TSPAN18: variants seen among roughly 807,000 people sequenced by gnomAD.
The protein encoded by TSPAN18 is tetraspanin 18.
TSPAN18 carries 14 observed loss-of-function variants against 27.3 expected under a neutral mutation model. The observed-to-expected ratio is 0.51, with a 90% CI of 0.34 to 0.80. The LOEUF is 0.80. Ranked by LOEUF, TSPAN18 falls within the 30% of genes least tolerant of loss-of-function variation. The pLI is 0.01. For synonymous variants in TSPAN18, 143 were observed against 136.5 expected, an observed-to-expected ratio of 1.05 and a Z score of -0.33; for missense variants, 268 against 323.9, an observed-to-expected ratio of 0.83 and a Z score of 1.32.
At chr11:44,778,692 G>A (rs1017415235) in intron 2 of TSPAN18, among the ~76,000 whole-genome samples, 8 of 152,274 alleles carry the variant, frequency 5.3e-5, no homozygotes, top group South Asian at 2.1e-4. Flanking sequence ...TCCATTAAGC[G>A]TGTGTGCACT....
At chr11:44,795,392 G>T (rs1856325708) in intron 2 of TSPAN18, among the ~76,000 whole-genome samples, 1 of 152,132 alleles carries the variant, frequency 6.6e-6, no homozygotes, top group East Asian at 1.9e-4. Context: ...CCCACTGCCT[G>T]CCCCAGTCAT....
chr11:44,812,664 C>A (rs1222083902), intron 2 of TSPAN18, among the ~76,000 whole-genome samples: 1 of 152,082 alleles, frequency 6.6e-6, no homozygotes, highest in Admixed American at 6.5e-5. Flanking sequence ...TCCACTGACC[C>A]CACCCCCAAA....
chr11:44,897,708 A>G, intron 3 of TSPAN18: 6 of 1,237,588 alleles, frequency 4.8e-6, no homozygotes, highest in Non-Finnish European at 6.4e-6. Flanking sequence ...GCTGCTCTTT[A>G]TTGACTTCCT....
At chr11:44,869,553 C>T (rs1221388610) in intron 3 of TSPAN18, among the ~76,000 whole-genome samples, 1 of 152,210 alleles carries the variant, frequency 6.6e-6, no homozygotes, top group African/African-American at 2.4e-5. Context: ...CCAATAGTAT[C>T]AGCAGGATAA....
chr11:44,839,793 G>A (rs1186438298), intron 2 of TSPAN18, among the ~76,000 whole-genome samples: 3 of 152,178 alleles, frequency 2.0e-5, no homozygotes, highest in Non-Finnish European at 2.9e-5. Context: ...GCAACCAGAG[G>A]ACAGAGAAGG....
chr11:44,792,705 G>A (rs1254349415), intron 2 of TSPAN18, among the ~76,000 whole-genome samples: 1 of 152,168 alleles, frequency 6.6e-6, no homozygotes, highest in Non-Finnish European at 1.5e-5. Flanking sequence ...GGTTCCTCCC[G>A]GAAGAGGTGA....
chr11:44,833,379 C>G (rs1366259906), intron 2 of TSPAN18, among the ~76,000 whole-genome samples: 1 of 152,044 alleles, frequency 6.6e-6, no homozygotes, highest in Non-Finnish European at 1.5e-5. Context: ...CAAATGGTGA[C>G]TCTTAGGTAA....
intron 8 of TSPAN18, among the ~76,000 whole-genome samples, chr11:44,924,613 A>G (rs988882448): frequency 6.6e-6 from 1 of 152,138 alleles, no homozygotes; most frequent in Non-Finnish European, 1.5e-5. Flanking sequence ...GGATGATGGG[A>G]GGGCCGAGGC....
At chr11:44,916,112 C>T (rs1590686189) in intron 5 of TSPAN18, among the ~76,000 whole-genome samples, 1 of 152,240 alleles carries the variant, frequency 6.6e-6, no homozygotes, top group African/African-American at 2.4e-5. Context: ...CTAAAACCCA[C>T]TTGCCAGGCC....
chr11:44,774,122 G>A (rs1030361587), intron 2 of TSPAN18, among the ~76,000 whole-genome samples: 1 of 152,126 alleles, frequency 6.6e-6, no homozygotes, highest in African/African-American at 2.4e-5. Flanking sequence ...TATTTCTGCC[G>A]AGACTCCCCA....
At chr11:44,812,828 C>G (rs2135101774) in intron 2 of TSPAN18, among the ~76,000 whole-genome samples, 1 of 152,238 alleles carries the variant, frequency 6.6e-6, no homozygotes, top group Non-Finnish European at 1.5e-5. Context: ...GCTTTGGCAC[C>G]ATTGGGGTCC....
At chr11:44,862,565 TCA>T (rs896837029) in intron 3 of TSPAN18, among the ~76,000 whole-genome samples, 8 of 152,020 alleles carry the variant, frequency 5.3e-5, no homozygotes, top group Admixed American at 4.6e-4. Context: ...TGAGTGCCTA[TCA>T]TGTGCCAGGA....
chr11:44,920,043 T>C, intron 8 of TSPAN18, 44 bp downstream of exon 8: 1 of 1,579,600 alleles, frequency 6.3e-7, no homozygotes, highest in East Asian at 2.3e-5. Flanking sequence ...TCTATCGGGA[T>C]TTGGGTGGCC....
chr11:44,801,723 T>G (rs1856484398), intron 2 of TSPAN18, among the ~76,000 whole-genome samples: 2 of 152,216 alleles, frequency 1.3e-5, no homozygotes, highest in South Asian at 4.1e-4. Flanking sequence ...TCTTCACCTG[T>G]AGAATGGTGG....
chr11:44,891,029 C>G (rs558268013), intron 3 of TSPAN18, among the ~76,000 whole-genome samples: 63 of 152,132 alleles, frequency 4.1e-4, no homozygotes, highest in Middle Eastern at 6.8e-3. Context: ...AAATTAGCTG[C>G]GCATAGTGGC....
At chr11:44,912,131 C>A (rs911608591) in intron 5 of TSPAN18, among the ~76,000 whole-genome samples, 1 of 152,010 alleles carries the variant, frequency 6.6e-6, no homozygotes, top group Non-Finnish European at 1.5e-5. Flanking sequence ...AAGTGATCCT[C>A]CCACCTCAGC....
In TSPAN18 at chr11:44,761,465, A is replaced by C. The variant is rs919481870; in HGVS notation, c.-239-2961A>C. 2.6e-5 allele frequency among the ~76,000 whole-genome samples: 4 copies of C among 152,310 alleles called. No individual in the cohort carries two copies. In the South Asian group the frequency reaches 8.3e-4, roughly 32 times the overall value. On this transcript the variant is annotated intron_variant, in intron 1 of 9. Coordinates refer to ENST00000520358, the MANE Select transcript of TSPAN18 (RefSeq NM_130783.5). ...TCAGCCCAGCTGGTTTCCCTCACAC[A>C]ATGCAGATTTGCTTAAATGGGAATT... is the stretch of plus-strand genomic sequence containing the variant.
Position 44,930,520 on chromosome 11 carries a change from A to G in TSPAN18, c.*1342A>G, listed in dbSNP as rs73456450. 0.065 allele frequency: 15,605 copies of G among 240,734 alleles called. 2,286 individuals are homozygous for G. Among genetic ancestry groups the G allele is most frequent in the African/African-American group, 0.31 (13,682 of 43,544 alleles). The allele number at this position is 240,734 out of a possible 1,614,324, so 14.9% of individuals were successfully genotyped here. ...CATCGAGGCCATTTCTGCTGCAACA[A>G]GGTTTCCTGTCTCTTCACTGTCCGC... On this transcript the variant is annotated 3_prime_UTR_variant, in exon 10 of 10. Transcript: ENST00000520358.
At chr11:44,844,216 C>T (rs835790) in intron 2 of TSPAN18, among the ~76,000 whole-genome samples, 133,425 of 152,274 alleles carry the variant, frequency 0.88, 58,520 homozygotes, top group East Asian at 0.93. Flanking sequence ...GTCCCTGACT[C>T]CCCGCAACAG....
Sources: gnomAD v4.1 joint callset for allele counts (sites outside exome capture counted in the v4.1 genomes callset) on GRCh38, gnomAD v4.1.1 for gene constraint, MANE v1.5 for transcripts, NCBI Gene and HGNC (gene_info 2026-07-23, HGNC 2026-07-21) for gene names.